Variants in CNTNAP2 observed in about 807,000 individuals in gnomAD.
CNTNAP2 encodes the protein contactin-associated protein-like 2.
CNTNAP2 carries 98 observed loss-of-function variants against 155.2 expected under a neutral mutation model. The ratio of observed to expected loss-of-function variants is 0.63; its 90% CI spans 0.54 to 0.75. CNTNAP2 has a LOEUF of 0.75. Ranked by LOEUF, CNTNAP2 falls within the 30% of genes least tolerant of loss-of-function variation. The pLI is 0.00. For missense variants in CNTNAP2, 1,727 were observed against 1,688.1 expected (o/e 1.02, Z -0.40); for synonymous variants, 651 against 631.2 (o/e 1.03, Z -0.47).
intron 8 of CNTNAP2, among the ~76,000 whole-genome samples, chr7:147,201,753 G>A (rs555048123): frequency 2.0e-5 from 3 of 152,072 alleles, no homozygotes; most frequent in Non-Finnish European, 2.9e-5. Flanking sequence ...GCAAAATGTG[G>A]GTGTCCCTTT....
chr7:147,643,269 T>C (rs1795314205), intron 13 of CNTNAP2: 1 of 152,170 alleles, frequency 6.6e-6, no homozygotes, highest in Admixed American at 6.5e-5. Context: ...TCAGCTAAAA[T>C]AAATTGGCAT....
At position 148,169,015 on chromosome 7, in the gene CNTNAP2, A is replaced by C. The variant is rs992175614; in HGVS notation, c.2774-3227A>C. ...AAAACATGCAAAACTTTCATCGGGA[A>C]AAAGAAACACCATAGAGAAGTCAAA... On this transcript the variant is annotated intron_variant, in intron 17 of 23. Coordinates refer to ENST00000361727, the MANE Select transcript of CNTNAP2 (RefSeq NM_014141.6). Among the ~76,000 whole-genome samples the C allele has an allele frequency of 2.0e-5, 3 of 152,338 alleles. No homozygotes were observed. The East Asian group carries it at 5.8e-4, about 29-fold the overall frequency.
At chr7:147,256,970 G>T (rs553283062) in intron 8 of CNTNAP2, among the ~76,000 whole-genome samples, 132 of 151,490 alleles carry the variant, frequency 8.7e-4, no homozygotes, top group Middle Eastern at 3.4e-3. Context: ...ATCAAGCATA[G>T]AAACAAAGGA....
At chr7:147,491,468 T>C (rs375743882) in intron 11 of CNTNAP2, among the ~76,000 whole-genome samples, 2 of 107,594 alleles carry the variant, frequency 1.9e-5, no homozygotes, top group African/African-American at 2.7e-5. Context: ...AAAACACACA[T>C]ATGTCTTTTA....
chr7:146,264,005 T>C (rs112313825), intron 1 of CNTNAP2, among the ~76,000 whole-genome samples: 6,255 of 152,294 alleles, frequency 0.041, 205 homozygotes, highest in African/African-American at 0.09. Context: ...GTGTCCTTTT[T>C]AGGACAGTAG....
At chr7:148,016,719 G>T (rs1802182495) in intron 15 of CNTNAP2, among the ~76,000 whole-genome samples, 1 of 152,184 alleles carries the variant, frequency 6.6e-6, no homozygotes, top group Non-Finnish European at 1.5e-5. Flanking sequence ...TCGGTGTATT[G>T]GTAGTAGGGA....
chr7:146,260,424 T>G (rs1799903129), intron 1 of CNTNAP2, among the ~76,000 whole-genome samples: 1 of 152,210 alleles, frequency 6.6e-6, no homozygotes, highest in African/African-American at 2.4e-5. Context: ...CTTGGAAAAG[T>G]TGCAGGCACT....
At chr7:146,400,411 GA>G (rs1396519043) in intron 1 of CNTNAP2, among the ~76,000 whole-genome samples, 19 of 152,160 alleles carry the variant, frequency 1.2e-4, no homozygotes, top group Admixed American at 5.9e-4. Context: ...CAGGCATGAG[GA>G]CTTGATGGAA....
Position 147,163,129 on chromosome 7 carries a change from C to T in CNTNAP2, c.1348+30620C>T, listed in dbSNP as rs569097758. Among the ~76,000 whole-genome samples the T allele has an allele frequency of 3.3e-5, 5 of 152,294 alleles. No individual in the cohort carries two copies. The East Asian group carries it at 9.7e-4, about 29-fold the overall frequency. ...AGCATCACATCCCAGGCTGTTATATCTGCAAGAACACAGAAAGTTAAGGAG... is the reference window on the plus strand; with the variant it reads ...AGCATCACATCCCAGGCTGTTATATTTGCAAGAACACAGAAAGTTAAGGAG... On this transcript the variant is annotated intron_variant, in intron 8 of 23. Coordinates refer to ENST00000361727, the MANE Select transcript of CNTNAP2 (RefSeq NM_014141.6).
rs1308816204 is a variant in CNTNAP2 at position 146,179,731 on chromosome 7, A to G, written c.97+62758A>G. Among the ~76,000 whole-genome samples the G allele has an allele frequency of 2.6e-5, 4 of 152,262 alleles. No homozygotes were observed. In the East Asian group the frequency reaches 7.7e-4, roughly 29 times the overall value. On this transcript the variant is annotated intron_variant, in intron 1 of 23. Coordinates refer to ENST00000361727, the MANE Select transcript of CNTNAP2 (RefSeq NM_014141.6). ...TTATAGTCTGAAGTGATATTTCAAA[A>G]TTGGGGGATAAATGCTTCAGACCTT... is the stretch of plus-strand genomic sequence containing the variant.
rs547590476 is a variant in CNTNAP2, at chr7:147,663,642, A to G, written c.2098+24336A>G. Among the ~76,000 whole-genome samples the G allele has an allele frequency of 2.6e-5, 4 of 152,342 alleles. No individual in the cohort carries two copies. The South Asian group carries it at 8.3e-4, about 32-fold the overall frequency. On this transcript the variant is annotated intron_variant, in intron 13 of 23. Transcript: ENST00000361727. Reference sequence around the variant, plus strand: ...AAATTGTTTTCAGTTATGTTTCCTCACGAAGTAGTATCCTGAAATTACCAG... The same window carrying G: ...AAATTGTTTTCAGTTATGTTTCCTCGCGAAGTAGTATCCTGAAATTACCAG...
At chr7:148,395,220 G>A (rs1011137504) in intron 22 of CNTNAP2, among the ~76,000 whole-genome samples, 1 of 126,246 alleles carries the variant, frequency 7.9e-6, no homozygotes, top group Non-Finnish European at 1.6e-5. Flanking sequence ...TCTTTCTACT[G>A]TCGTGTCTTC....
intron 22 of CNTNAP2, among the ~76,000 whole-genome samples, chr7:148,386,427 CTGAGGCAGGAGAATCGCTTGAACTTG>C (rs541144476): frequency 9.3e-4 from 141 of 152,250 alleles, no homozygotes; most frequent in Admixed American, 2.7e-3. Flanking sequence ...CCTCAGGAGG[CTGAGGCAGGAGAATCGCTTGAACTTG>C]GGAGGCAGAG....
chr7:146,357,732 G>A (rs1224844902), intron 1 of CNTNAP2, among the ~76,000 whole-genome samples: 1 of 151,976 alleles, frequency 6.6e-6, no homozygotes, highest in Non-Finnish European at 1.5e-5. Context: ...AAGATACACT[G>A]TTACATCCAA....
intron 15 of CNTNAP2, among the ~76,000 whole-genome samples, chr7:148,089,065 C>T (rs1190079676): frequency 1.3e-5 from 2 of 152,002 alleles, no homozygotes; most frequent in African/African-American, 4.8e-5. Flanking sequence ...ATATGATCAT[C>T]TCAATAGATG....
intron 1 of CNTNAP2, among the ~76,000 whole-genome samples, chr7:146,759,046 G>A (rs975980716): frequency 6.6e-6 from 1 of 152,090 alleles, no homozygotes; most frequent in Non-Finnish European, 1.5e-5. Context: ...TATATGTGTT[G>A]AAATGACTTA....
At chr7:148,362,962 A>C (rs1397232911) in intron 21 of CNTNAP2, among the ~76,000 whole-genome samples, 6 of 151,966 alleles carry the variant, frequency 3.9e-5, no homozygotes, top group African/African-American at 1.2e-4. Flanking sequence ...AGTATTCAAT[A>C]GATTGCATCA....
intron 16 of CNTNAP2, among the ~76,000 whole-genome samples, chr7:148,129,452 T>G (rs1182413781): frequency 3.3e-5 from 5 of 152,128 alleles, no homozygotes; most frequent in Non-Finnish European, 7.3e-5. Flanking sequence ...AGGAACTTTC[T>G]GGGTGGTAGA....
At chr7:146,758,303 T>C (rs2129183535) in intron 1 of CNTNAP2, among the ~76,000 whole-genome samples, 1 of 152,270 alleles carries the variant, frequency 6.6e-6, no homozygotes, top group South Asian at 2.1e-4. Flanking sequence ...CTCCTTTAAA[T>C]TGTGAAAATC....
Sources: allele counts gnomAD v4.1 joint callset (sites outside exome capture counted in the v4.1 genomes callset), GRCh38; gene constraint gnomAD v4.1.1; transcripts MANE v1.5; gene names NCBI Gene and HGNC (gene_info 2026-07-23, HGNC 2026-07-21).